CHD9: variants seen among roughly 807,000 people sequenced by gnomAD.
CHD9 encodes the protein ATP-dependent chromatin remodeler CHD9.
A neutral mutation model predicts 316.1 loss-of-function variants in CHD9; 77 were observed. The ratio of observed to expected loss-of-function variants is 0.24; its 90% CI spans 0.20 to 0.29. The LOEUF (loss-of-function observed/expected upper bound fraction) is 0.29. CHD9 is among the 10% of genes least tolerant of loss of function. CHD9 has a pLI of 1.00. For synonymous variants in CHD9, 1,129 were observed against 1,158.3 expected (o/e 0.97, Z 0.51); for missense variants, 2,763 against 3,438.1 (o/e 0.80, Z 4.91).
chr16:53,065,638 TAAAAAAAAA>T (rs68025976), intron 1 of CHD9, among the ~76,000 whole-genome samples: 1 of 103,410 alleles, frequency 9.7e-6, no homozygotes. Flanking sequence ...TGTCTTAAAT[TAAAAAAAAA>T]AAAAAAAAAA....
chr16:53,178,721 C>G (rs916630394), intron 2 of CHD9, among the ~76,000 whole-genome samples: 2 of 152,040 alleles, frequency 1.3e-5, no homozygotes, highest in African/African-American at 4.8e-5. Context: ...CCTTGGCCTC[C>G]CAAAGTGCTG....
At position 53,221,894 on chromosome 16, in the gene CHD9, GA is replaced by G. The variant is rs369052735; in HGVS notation, c.1785-748del. Among the ~76,000 whole-genome samples the G allele has an allele frequency of 1.8e-4, 28 of 152,110 alleles. No homozygotes were observed. The South Asian group carries it at 5.6e-3, about 30-fold the overall frequency. ...GGATTCAAGGAATCAAGTGGAATATGAATTTAATAAGAGAAAAAAATCTGTC... is the reference window on the plus strand; with the variant it reads ...GGATTCAAGGAATCAAGTGGAATATGATTTAATAAGAGAAAAAAATCTGTC... On this transcript the variant is annotated intron_variant, in intron 3 of 38. Transcript: ENST00000447540.
At chr16:53,091,727 C>A (rs1234920156) in intron 1 of CHD9, among the ~76,000 whole-genome samples, 1 of 152,178 alleles carries the variant, frequency 6.6e-6, no homozygotes, top group South Asian at 2.1e-4. Context: ...AAGGAGCAAA[C>A]GAGTGCCTGG....
intron 2 of CHD9, among the ~76,000 whole-genome samples, chr16:53,206,552 T>G (rs2045913842): frequency 1.3e-5 from 2 of 152,126 alleles, no homozygotes; most frequent in Admixed American, 1.3e-4. Context: ...GCTCCACTAT[T>G]CAGTAGCTGT....
At chr16:53,305,224 G>A (rs1366635002) in intron 31 of CHD9, among the ~76,000 whole-genome samples, 1 of 151,780 alleles carries the variant, frequency 6.6e-6, no homozygotes, top group Non-Finnish European at 1.5e-5. Flanking sequence ...ACCATGTCCA[G>A]CTAATTTTTG....
At chr16:53,259,969 A>T (rs2050941719) in intron 19 of CHD9, among the ~76,000 whole-genome samples, 1 of 152,218 alleles carries the variant, frequency 6.6e-6, no homozygotes. Context: ...GAAAATTGAT[A>T]TGTTTATAAT....
rs78905561 is a variant in CHD9 at position 53,064,002 on chromosome 16, AT to A, written c.-165+8937del. Among the ~76,000 whole-genome samples, 344 of 141,778 alleles carry A rather than the reference AT, an allele frequency of 2.4e-3. 1 individual carries two copies. The highest frequency in any genetic ancestry group is 5.3e-3 in the African/African-American group (206 of 38,644). The allele number at this position is 141,778 out of a possible 152,430, so 93.0% of individuals were successfully genotyped here. The stretch of plus-strand genomic sequence containing the variant: ...ACCTATGAGCCACCATGCCCAGCTA[AT>A]TTTTTTTTTTTGGTAGAAACAGGTC... On this transcript the variant is annotated intron_variant, in intron 1 of 38. Coordinates refer to ENST00000447540, the MANE Select transcript of CHD9 (RefSeq NM_001308319.2).
intron 1 of CHD9, among the ~76,000 whole-genome samples, chr16:53,078,988 T>G (rs898737991): frequency 6.6e-6 from 1 of 152,188 alleles, no homozygotes; most frequent in Non-Finnish European, 1.5e-5. Flanking sequence ...TATGGCATTA[T>G]GTCGTCTTTG....
intron 19 of CHD9, 75 bp from the exon 20 acceptor site, chr16:53,262,912 A>G: frequency 8.7e-7 from 1 of 1,149,406 alleles, no homozygotes; most frequent in Non-Finnish European, 1.3e-6. Context: ...TTCTATCCAT[A>G]GTAAATGTGA....
At chr16:53,139,288 G>A (rs1316035646) in intron 1 of CHD9, among the ~76,000 whole-genome samples, 1 of 152,046 alleles carries the variant, frequency 6.6e-6, no homozygotes. Context: ...CCTAATAACA[G>A]AGGAATATAT....
intron 1 of CHD9, among the ~76,000 whole-genome samples, chr16:53,088,429 C>T (rs1208562918): frequency 6.6e-6 from 1 of 151,934 alleles, no homozygotes; most frequent in Non-Finnish European, 1.5e-5. Flanking sequence ...AGATGCCTGC[C>T]ACCACGCCTG....
At chr16:53,130,800 G>A (rs1339319029) in intron 1 of CHD9, 2 of 151,872 alleles carry the variant, frequency 1.3e-5, no homozygotes, top group African/African-American at 4.8e-5. Context: ...AGCCCGACGC[G>A]GCTGGAGCCG....
At chr16:53,228,176 A>G (rs572673175) in intron 7 of CHD9, among the ~76,000 whole-genome samples, 19 of 152,062 alleles carry the variant, frequency 1.2e-4, no homozygotes, top group Non-Finnish European at 2.4e-4. Flanking sequence ...TGCTTTTATA[A>G]TTTATAGACA....
intron 2 of CHD9, chr16:53,168,842 T>A (rs529580739): frequency 6.6e-6 from 1 of 152,308 alleles, no homozygotes; most frequent in South Asian, 2.1e-4. Flanking sequence ...GTTCAAGAGA[T>A]CTTCCCACCT....
intron 2 of CHD9, among the ~76,000 whole-genome samples, chr16:53,197,351 G>C (rs1346007473): frequency 6.6e-6 from 1 of 152,038 alleles, no homozygotes; most frequent in Non-Finnish European, 1.5e-5. Flanking sequence ...AATTATAGTA[G>C]GATTTGAGTG....
chr16:53,089,691 T>C (rs1467441658), intron 1 of CHD9, among the ~76,000 whole-genome samples: 1 of 152,198 alleles, frequency 6.6e-6, no homozygotes, highest in Admixed American at 6.5e-5. Context: ...ATTTAGGGTA[T>C]GGGTTAATCA....
intron 1 of CHD9, among the ~76,000 whole-genome samples, chr16:53,113,042 T>C (rs2037990004): frequency 6.6e-6 from 1 of 151,788 alleles, no homozygotes; most frequent in African/African-American, 2.4e-5. Flanking sequence ...AAATTATGTG[T>C]GCTTGGTGGT....
intron 1 of CHD9, among the ~76,000 whole-genome samples, chr16:53,104,563 C>A: frequency 6.6e-6 from 1 of 152,160 alleles, no homozygotes; most frequent in East Asian, 1.9e-4. Context: ...GTAATTCCAG[C>A]ACTTTGGGAG....
intron 1 of CHD9, among the ~76,000 whole-genome samples, chr16:53,106,691 C>G (rs540895173): frequency 6.6e-6 from 1 of 151,924 alleles, no homozygotes; most frequent in South Asian, 2.1e-4. Flanking sequence ...GCGCGATGTG[C>G]ATATGGTGTG....
Sources: allele counts gnomAD v4.1 joint callset (sites outside exome capture counted in the v4.1 genomes callset), GRCh38; gene constraint gnomAD v4.1.1; transcripts MANE v1.5; gene names NCBI Gene and HGNC (gene_info 2026-07-23, HGNC 2026-07-21).